DIAPH3: variants seen among roughly 807,000 people sequenced by gnomAD.
The protein encoded by DIAPH3 is diaphanous related formin 3.
A neutral mutation model predicts 144.3 loss-of-function variants in DIAPH3; 117 were observed. That is an observed-to-expected ratio of 0.81 (90% CI 0.70 to 0.95). DIAPH3 has a LOEUF of 0.95. Ranked by LOEUF, DIAPH3 falls within the 40% of genes least tolerant of loss-of-function variation. The pLI is 0.00. For missense variants in DIAPH3, 1,421 were observed against 1,412.7 expected (o/e 1.01, Z -0.09); for synonymous variants, 519 against 488.9 (o/e 1.06, Z -0.81).
chr13:60,009,418 G>C (rs1374870100), intron 8 of DIAPH3, among the ~76,000 whole-genome samples: 1 of 151,980 alleles, frequency 6.6e-6, no homozygotes, highest in Non-Finnish European at 1.5e-5. Flanking sequence ...CAAGAGGAAA[G>C]AGGAGGAAGA....
At chr13:59,811,048 T>C in intron 24 of DIAPH3, 125 bp from the exon 25 acceptor site, 3 of 881,478 alleles carry the variant, frequency 3.4e-6, no homozygotes, top group African/African-American at 1.7e-5. Context: ...GTGAGTTATG[T>C]TAGTAATACA....
At chr13:59,709,427 T>G (rs941394610) in intron 27 of DIAPH3, among the ~76,000 whole-genome samples, 8 of 152,048 alleles carry the variant, frequency 5.3e-5, no homozygotes, top group South Asian at 2.1e-4. Flanking sequence ...ATCAAAAAGG[T>G]GGCGAAGGAC....
intron 1 of DIAPH3, among the ~76,000 whole-genome samples, chr13:60,145,328 C>G (rs946627503): frequency 6.6e-6 from 1 of 152,190 alleles, no homozygotes; most frequent in Non-Finnish European, 1.5e-5. Context: ...TGGATGATTA[C>G]TAAATGATAA....
intron 18 of DIAPH3, among the ~76,000 whole-genome samples, chr13:59,916,471 T>C (rs1442125386): frequency 1.3e-5 from 2 of 152,150 alleles, no homozygotes; most frequent in African/African-American, 4.8e-5. Flanking sequence ...TCCTGTGTTA[T>C]TGCACTGGAT....
At chr13:59,803,113 A>G (rs1486917200) in intron 25 of DIAPH3, among the ~76,000 whole-genome samples, 2 of 152,232 alleles carry the variant, frequency 1.3e-5, no homozygotes, top group Non-Finnish European at 2.9e-5. Context: ...CAGACAAAGA[A>G]GATGCAATGC....
chr13:59,886,348 G>C (rs2045447925), intron 20 of DIAPH3, among the ~76,000 whole-genome samples: 1 of 152,082 alleles, frequency 6.6e-6, no homozygotes, highest in Non-Finnish European at 1.5e-5. Flanking sequence ...AGAAAGCTTA[G>C]TTGTATATCC....
At chr13:60,063,490 T>C (rs2056846309) in intron 4 of DIAPH3, among the ~76,000 whole-genome samples, 2 of 152,198 alleles carry the variant, frequency 1.3e-5, no homozygotes, top group South Asian at 4.1e-4. Context: ...GTGAATCCTA[T>C]CCAGAAGGTT....
At chr13:59,929,224 A>C (rs889578093) in intron 17 of DIAPH3, among the ~76,000 whole-genome samples, 17 of 152,208 alleles carry the variant, frequency 1.1e-4, no homozygotes, top group African/African-American at 4.1e-4. Flanking sequence ...AAAGCATTTC[A>C]GATAAGGGAT....
chr13:60,062,181 A>C (rs564764174), intron 4 of DIAPH3, among the ~76,000 whole-genome samples: 5 of 152,316 alleles, frequency 3.3e-5, no homozygotes, highest in Admixed American at 3.3e-4. Context: ...CTTTACCTGC[A>C]TCTCAGAAAA....
At chr13:59,822,437 T>C (rs1014449790) in intron 24 of DIAPH3, among the ~76,000 whole-genome samples, 4 of 151,944 alleles carry the variant, frequency 2.6e-5, no homozygotes, top group African/African-American at 9.7e-5. Flanking sequence ...AATTTATTTA[T>C]TTATTTATTT....
chr13:59,802,197 G>T (rs1174559462), intron 25 of DIAPH3, among the ~76,000 whole-genome samples: 1 of 152,150 alleles, frequency 6.6e-6, no homozygotes, highest in South Asian at 2.1e-4. Flanking sequence ...AAATACTGGG[G>T]TCTATAAGCT....
At chr13:60,038,371 A>C (rs1029437605) in intron 5 of DIAPH3, among the ~76,000 whole-genome samples, 2 of 152,126 alleles carry the variant, frequency 1.3e-5, no homozygotes, top group Non-Finnish European at 2.9e-5. Flanking sequence ...AAATGAGTAC[A>C]CTGATCTCAC....
chr13:59,714,351 C>T (rs1461766489), intron 27 of DIAPH3, among the ~76,000 whole-genome samples: 2 of 99,084 alleles, frequency 2.0e-5, no homozygotes, highest in Non-Finnish European at 4.1e-5. Flanking sequence ...CAGAGCGAGA[C>T]TCCGTCTCAA....
chr13:59,918,309 C>T (rs2047333554), intron 18 of DIAPH3, among the ~76,000 whole-genome samples: 2 of 151,162 alleles, frequency 1.3e-5, no homozygotes, highest in Non-Finnish European at 2.9e-5. Context: ...ACAAATCTAC[C>T]AGTATAAAAT....
intron 24 of DIAPH3, among the ~76,000 whole-genome samples, chr13:59,832,342 T>A (rs1474559723): frequency 6.6e-6 from 1 of 151,870 alleles, no homozygotes; most frequent in Non-Finnish European, 1.5e-5. Context: ...AAAGTTTTCC[T>A]GAGATTAAAA....
At chr13:60,044,633 C>A (rs12585035) in intron 4 of DIAPH3, among the ~76,000 whole-genome samples, 1 of 152,022 alleles carries the variant, frequency 6.6e-6, no homozygotes, top group Non-Finnish European at 1.5e-5. Context: ...AACAAAGGTG[C>A]CTCAAAATAA....
intron 1 of DIAPH3, among the ~76,000 whole-genome samples, chr13:60,156,937 A>T (rs867697992): frequency 7.4e-5 from 4 of 53,714 alleles, no homozygotes; most frequent in East Asian, 3.0e-4. Context: ...ATATATATAT[A>T]TATTTTTTTT....
intron 27 of DIAPH3, among the ~76,000 whole-genome samples, chr13:59,760,727 T>G (rs2037534231): frequency 6.6e-6 from 1 of 152,160 alleles, no homozygotes; most frequent in African/African-American, 2.4e-5. Context: ...AACCTTAAGG[T>G]GGCAATACAA....
At chr13:60,141,374 C>A (rs2059422577) in intron 1 of DIAPH3, among the ~76,000 whole-genome samples, 1 of 152,070 alleles carries the variant, frequency 6.6e-6, no homozygotes, top group Non-Finnish European at 1.5e-5. Flanking sequence ...AATATGAAGA[C>A]CCAGTCTCTC....
Sources: allele counts gnomAD v4.1 joint callset (sites outside exome capture counted in the v4.1 genomes callset), GRCh38; gene constraint gnomAD v4.1.1; transcripts MANE v1.5; gene names NCBI Gene and HGNC (gene_info 2026-07-23, HGNC 2026-07-21).